Variants in HCN2 observed in about 807,000 individuals in gnomAD.
HCN2 encodes potassium/sodium hyperpolarization-activated cyclic nucleotide-gated channel 2.
HCN2 carries 20 observed loss-of-function variants against 52.3 expected under a neutral mutation model. The ratio of observed to expected loss-of-function variants is 0.38; its 90% CI spans 0.27 to 0.56. The LOEUF is 0.56. HCN2 is among the 20% of genes least tolerant of loss of function. The probability of loss-of-function intolerance (pLI) is 0.71; values close to 1 mark genes in which losing one functional copy is unlikely to be tolerated. For missense variants in HCN2, 981 were observed against 1,207.7 expected (o/e 0.81, Z 2.78); for synonymous variants, 694 against 537.0 (o/e 1.29, Z -4.04).
chr19:613,607 CCGGGG>C lies in HCN2; in HGVS notation c.1825+120_1825+124del, dbSNP rs1983749147. 6 of 76,926 alleles carry C rather than the reference CCGGGG, an allele frequency of 7.8e-5. 1 individual carries two copies. Among genetic ancestry groups the C allele is most frequent in the Admixed American group, 3.3e-4 (2 of 6,074 alleles). 4.8% of individuals were successfully genotyped at this position (76,926 alleles called of 1,614,324 possible). A position where few individuals can be genotyped will look rare whatever the true frequency, so the allele number is the denominator to read the frequency against. On this transcript the variant is annotated intron_variant, in intron 6 of 7. Transcript: ENST00000251287. ...GATGGGGATGGGGATGGGGATGGGG[CCGGGG>C]ATGGGGATGGGGATGGGGATGGGGC...
rs1245735689 is a variant in HCN2 at position 592,940 on chromosome 19, G to A, written c.632+2363G>A. Among the ~76,000 whole-genome samples, 3 of 152,192 alleles carry A rather than the reference G, an allele frequency of 2.0e-5. No homozygotes were observed. The highest frequency in any genetic ancestry group is 4.4e-5 in the Non-Finnish European group (3 of 68,020). Reference sequence around the variant, plus strand: ...TCTTGGGTCCTCGCTGGGCCCCTCTGCCTCAGTTTCCCCAATTGCACGGTG... The same window carrying A: ...TCTTGGGTCCTCGCTGGGCCCCTCTACCTCAGTTTCCCCAATTGCACGGTG... On this transcript the variant is annotated intron_variant, in intron 1 of 7. Transcript: ENST00000251287. This position sits in a 1 kb window ranked among gnomAD's most constrained non-coding sequence, Gnocchi z 4.8.
intron 1 of HCN2, among the ~76,000 whole-genome samples, chr19:594,091 G>C (rs1982951748): frequency 1.3e-5 from 2 of 150,256 alleles, no homozygotes; most frequent in South Asian, 4.2e-4. Flanking sequence ...TGCACGAGAA[G>C]GGCTGGGGCT....
Position 592,703 on chromosome 19 carries a change from C to T in HCN2, c.632+2126C>T, listed in dbSNP as rs779097248. 1.3e-5 allele frequency among the ~76,000 whole-genome samples: 2 copies of T among 152,134 alleles called. No individual in the cohort carries two copies. Among genetic ancestry groups the T allele is most frequent in the Non-Finnish European group, 2.9e-5 (2 of 68,002 alleles). ...GGTGCACGGGGCCCCTAGGACCCTC[C>T]CCAGGCTTGGGACCTGTGCCAGTGT... On this transcript the variant is annotated intron_variant, in intron 1 of 7. Coordinates refer to ENST00000251287, the MANE Select transcript of HCN2 (RefSeq NM_001194.4). This position sits in a 1 kb window ranked among gnomAD's most constrained non-coding sequence, Gnocchi z 4.8.
rs777395248 is a variant in HCN2, at chr19:592,875, A to T, written c.632+2298A>T. On this transcript the variant is annotated intron_variant, in intron 1 of 7. Transcript: ENST00000251287. The surrounding 1 kb of genome is among the most constrained non-coding windows in gnomAD (Gnocchi z 4.8). ...CAGCTGACTCAGGAGCCTGGCCCCA[A>T]CTGGCTTCGGGCCCAAGGCCTCCTG... 6.6e-6 allele frequency among the ~76,000 whole-genome samples: 1 copy of T among 152,162 alleles called. No individual in the cohort carries two copies. Among genetic ancestry groups the T allele is most frequent in the Admixed American group, 6.5e-5 (1 of 15,272 alleles).
At chr19:593,691 C>T (rs1165124381) in intron 1 of HCN2, among the ~76,000 whole-genome samples, 2 of 152,118 alleles carry the variant, frequency 1.3e-5, no homozygotes, top group Non-Finnish European at 2.9e-5. Context: ...GGTGGCTCTA[C>T]ACCCCGGCCT....
At chr19:598,366 G>T (rs1002890532) in intron 1 of HCN2, among the ~76,000 whole-genome samples, 1 of 151,784 alleles carries the variant, frequency 6.6e-6, no homozygotes, top group African/African-American at 2.4e-5. Flanking sequence ...GAGTGCAATG[G>T]TGCAGTTTTG....
At position 592,395 on chromosome 19, in the gene HCN2, G is replaced by C. The variant is rs1030977095; in HGVS notation, c.632+1818G>C. Among the ~76,000 whole-genome samples, 2 of 152,198 alleles carry C rather than the reference G, an allele frequency of 1.3e-5. No homozygotes were observed. Among genetic ancestry groups the C allele is most frequent in the African/African-American group, 2.4e-5 (1 of 41,456 alleles). The stretch of plus-strand genomic sequence containing the variant: ...GGCAGGTGGGCAGATGGCTGATCCC[G>C]GGGCTTGGGGGGAAGGCCGGTGGTA... On this transcript the variant is annotated intron_variant, in intron 1 of 7. Coordinates refer to ENST00000251287, the MANE Select transcript of HCN2 (RefSeq NM_001194.4). This position sits in a 1 kb window ranked among gnomAD's most constrained non-coding sequence, Gnocchi z 4.8.
Position 617,148 on chromosome 19 carries a change from C to G in HCN2, c.*674C>G. 1.0e-6 allele frequency: 1 copy of G among 996,316 alleles called. No homozygotes were observed. The highest frequency in any genetic ancestry group is 1.5e-6 in the Non-Finnish European group (1 of 649,970). 61.7% of individuals were successfully genotyped at this position (996,316 alleles called of 1,614,324 possible). ...CCCCATTCCGCGCAATAAACGACAGCATTGGCGCCAAGCCTGGCCGCGTGT... is the reference window on the plus strand; with the variant it reads ...CCCCATTCCGCGCAATAAACGACAGGATTGGCGCCAAGCCTGGCCGCGTGT... On this transcript the variant is annotated 3_prime_UTR_variant, in exon 8 of 8. Coordinates refer to ENST00000251287, the MANE Select transcript of HCN2 (RefSeq NM_001194.4).
rs1022604484 is a variant in HCN2, at chr19:591,875, G to C, written c.632+1298G>C. Among the ~76,000 whole-genome samples, 6 of 152,200 alleles carry C rather than the reference G, an allele frequency of 3.9e-5. No individual in the cohort carries two copies. The highest frequency in any genetic ancestry group is 1.2e-4 in the African/African-American group (5 of 41,444). On this transcript the variant is annotated intron_variant, in intron 1 of 7. Transcript: ENST00000251287. The surrounding 1 kb of genome is among the most constrained non-coding windows in gnomAD (Gnocchi z 4.1). ...AGAAACTGAGGCCTGGGGCACATGC[G>C]TCCTGGACAGAGCCTGGAGGAAGGC...
At chr19:604,400 G>A (rs562183902) in intron 2 of HCN2, among the ~76,000 whole-genome samples, 2 of 151,014 alleles carry the variant, frequency 1.3e-5, no homozygotes, top group African/African-American at 4.9e-5. Flanking sequence ...CAGCAGGGGT[G>A]GGGCTATCAG....
chr19:610,427 C>T (rs370146948), intron 5 of HCN2, 22 bp downstream of exon 5: 181 of 1,606,070 alleles, frequency 1.1e-4, no homozygotes, highest in Admixed American at 7.2e-4. Context: ...GCCGGGCGGG[C>T]GGGAGGCAGC....
chr19:594,249 C>T (rs1007653759), intron 1 of HCN2, among the ~76,000 whole-genome samples: 3 of 152,206 alleles, frequency 2.0e-5, no homozygotes, highest in Admixed American at 6.5e-5. Context: ...GCAGACCTGG[C>T]GGGGTGGAGA....
chr19:590,799 C>T lies in HCN2; in HGVS notation c.632+222C>T, dbSNP rs1982847785. The T allele has an allele frequency of 6.8e-6, 2 of 292,500 alleles. No individual in the cohort carries two copies. The highest frequency in any genetic ancestry group is 1.3e-5 in the Non-Finnish European group (2 of 158,810). The allele number at this position is 292,500 out of a possible 1,614,324, so 18.1% of individuals were successfully genotyped here. A position where few individuals can be genotyped will look rare whatever the true frequency, so the allele number is the denominator to read the frequency against. On this transcript the variant is annotated intron_variant, in intron 1 of 7. Coordinates refer to ENST00000251287, the MANE Select transcript of HCN2 (RefSeq NM_001194.4). This position sits in a 1 kb window ranked among gnomAD's most constrained non-coding sequence, Gnocchi z 7.2. ...CCCCGGGTGACCGCGGAGCGCCCCC[C>T]TCCCACGCACCCCGACATCCTCCGC...
In HCN2 at chr19:617,143, G is replaced by A. The variant is rs1453350458; in HGVS notation, c.*669G>A. 44 of 566,250 alleles carry A rather than the reference G, an allele frequency of 7.8e-5. No homozygotes were observed. Among genetic ancestry groups the A allele is most frequent in the Admixed American group, 7.3e-4 (32 of 43,706 alleles). 35.1% of individuals were successfully genotyped at this position (566,250 alleles called of 1,614,324 possible). A position where few individuals can be genotyped will look rare whatever the true frequency, so the allele number is the denominator to read the frequency against. ...CACACCCCCATTCCGCGCAATAAACGACAGCATTGGCGCCAAGCCTGGCCG... is the reference window on the plus strand; with the variant it reads ...CACACCCCCATTCCGCGCAATAAACAACAGCATTGGCGCCAAGCCTGGCCG... On this transcript the variant is annotated 3_prime_UTR_variant, in exon 8 of 8. Coordinates refer to ENST00000251287, the MANE Select transcript of HCN2 (RefSeq NM_001194.4).
chr19:613,496 TGAGGGGGGCGCGCCTG>T lies in HCN2; in HGVS notation c.1825+16_1825+31del, dbSNP rs1568368501. 7 of 1,216,578 alleles carry T rather than the reference TGAGGGGGGCGCGCCTG, an allele frequency of 5.8e-6. No individual in the cohort carries two copies. The highest frequency in any genetic ancestry group is 5.4e-6 in the Non-Finnish European group (5 of 925,170). The allele number at this position is 1,216,578 out of a possible 1,614,324, so 75.4% of individuals were successfully genotyped here. A position where few individuals can be genotyped will look rare whatever the true frequency, so the allele number is the denominator to read the frequency against. The stretch of plus-strand genomic sequence containing the variant: ...ATGGCTCCTACTTCGGGGGTGAGCT[TGAGGGGGGCGCGCCTG>T]GAGGGGGAGGGGGCACGCGACCCCC... On this transcript the variant is annotated intron_variant, in intron 6 of 7. Coordinates refer to ENST00000251287, the MANE Select transcript of HCN2 (RefSeq NM_001194.4).
At chr19:614,312 G>A (rs1206077846) in intron 7 of HCN2, among the ~76,000 whole-genome samples, 3 of 152,220 alleles carry the variant, frequency 2.0e-5, no homozygotes, top group Non-Finnish European at 4.4e-5. Flanking sequence ...GGGAGGGAAT[G>A]CACAGGGTGT....
At chr19:611,847 T>G (rs540841779) in intron 5 of HCN2, among the ~76,000 whole-genome samples, 1 of 152,062 alleles carries the variant, frequency 6.6e-6, no homozygotes, top group Admixed American at 6.6e-5. Flanking sequence ...CAAAGTCAAA[T>G]CTTTAAACCC....
rs768543129 is a variant in HCN2 at position 605,271 on chromosome 19, GA to G, written c.1218+50del. On this transcript the variant is annotated intron_variant, in intron 3 of 7. Coordinates refer to ENST00000251287, the MANE Select transcript of HCN2 (RefSeq NM_001194.4). Reference sequence around the variant, plus strand: ...AGGGGGAGACGCAGGCTCCCATACAGAGGGGGGACCCAGGCCCCCTTATCCC... The same window carrying G: ...AGGGGGAGACGCAGGCTCCCATACAGGGGGGGACCCAGGCCCCCTTATCCC... 1.9e-6 allele frequency: 3 copies of G among 1,587,498 alleles called. 1 individual carries two copies. Among genetic ancestry groups the G allele is most frequent in the Non-Finnish European group, 2.6e-6 (3 of 1,164,058 alleles).
intron 1 of HCN2, among the ~76,000 whole-genome samples, chr19:594,092 G>A (rs1198744679): frequency 6.6e-6 from 1 of 150,862 alleles, no homozygotes; most frequent in East Asian, 1.9e-4. Context: ...GCACGAGAAG[G>A]GCTGGGGCTG....
Sources: gnomAD v4.1 joint callset for allele counts (sites outside exome capture counted in the v4.1 genomes callset) on GRCh38, gnomAD v4.1.1 for gene constraint, Gnocchi (gnomAD v3.1) non-coding constraint, MANE v1.5 for transcripts, NCBI Gene and HGNC (gene_info 2026-07-23, HGNC 2026-07-21) for gene names.